The following MAP3K1 variants were observed in gnomAD, a reference collection of about 807,000 sequenced individuals.
MAP3K1 encodes the protein mitogen-activated protein kinase kinase kinase 1, also known as MAP/ERK kinase kinase 1.
A neutral mutation model predicts 144.2 loss-of-function variants in MAP3K1; 36 were observed. The ratio of observed to expected loss-of-function variants is 0.25; its 90% CI spans 0.19 to 0.33. The LOEUF is 0.33. MAP3K1 is among the 10% of genes least tolerant of loss of function. The probability of loss-of-function intolerance (pLI) is 1.00; values close to 1 mark genes in which losing one functional copy is unlikely to be tolerated. For missense variants in MAP3K1, 1,650 were observed against 1,881.9 expected, an observed-to-expected ratio of 0.88 and a Z score of 2.28; for synonymous variants, 718 against 688.7, an observed-to-expected ratio of 1.04 and a Z score of -0.67.
chr5:56,871,825 C>A, intron 6 of MAP3K1, 85 bp from the exon 7 acceptor site: 1 of 1,280,148 alleles, frequency 7.8e-7, no homozygotes, highest in Non-Finnish European at 1.1e-6. Context: ...TATTTATATT[C>A]TAAGCAAGCA....
At position 56,883,610 on chromosome 5, in the gene MAP3K1, C is replaced by T; in HGVS notation, c.3750C>T (p.Gly1250=). The T allele has an allele frequency of 6.2e-7, 1 of 1,614,032 alleles. No individual in the cohort carries two copies. The highest frequency in any genetic ancestry group is 2.2e-5 in the East Asian group (1 of 44,866). ...AATGGCTGAAAGGTCAACAGATAGG[C>T]CTTGGAGCATTTTCTTCTTGTTATC... is the stretch of plus-strand genomic sequence containing the variant. ...DTEWLKGQQI[G]LGAFSSCYQA... Residue 1250 remains glycine (G), a synonymous_variant, in exon 15 of 20, where the codon GGC becomes GGT. Coordinates refer to ENST00000399503, the MANE Select transcript of MAP3K1 (RefSeq NM_005921.2).
In MAP3K1 at chr5:56,880,717, A is replaced by G. The variant is rs2111937182; in HGVS notation, c.2094A>G (p.Thr698=). 1.9e-6 allele frequency: 3 copies of G among 1,613,238 alleles called. No individual in the cohort carries two copies. The highest frequency in any genetic ancestry group is 2.5e-6 in the Non-Finnish European group (3 of 1,179,316). ...LVKCADANSR[T]SQLSISTLLE... ...GCTTTTCCTTTGTTTTTAGCCGCAC[A>G]AGTCAGCTGTCCATATCAACACTGT... Residue 698 remains threonine, a synonymous_variant, in exon 12 of 20, where the codon ACA becomes ACG. Transcript: ENST00000399503.
chr5:56,845,601 G>GA (rs1746967509), intron 1 of MAP3K1, among the ~76,000 whole-genome samples: 1 of 152,152 alleles, frequency 6.6e-6, no homozygotes, highest in Non-Finnish European at 1.5e-5. Flanking sequence ...AGCAAGGGGG[G>GA]ATTCTTAAAA....
At position 56,881,810 on chromosome 5, in the gene MAP3K1, G is replaced by T; in HGVS notation, c.2610G>T (p.Gln870His). Residue 870 changes from glutamine to histidine, a missense_variant, in exon 14 of 20, where the codon CAG (glutamine) becomes CAT (histidine). Around this residue, in one of 6 missense-constraint regions of MAP3K1, gnomAD observed 841 missense variants for 886.5 expected, o/e 0.95. Coordinates refer to ENST00000399503, the MANE Select transcript of MAP3K1 (RefSeq NM_005921.2). ...ADEVEIAEAIQLGVEDTLDGQ... is the reference protein window; with the variant it reads ...ADEVEIAEAIHLGVEDTLDGQ... ...AGGTGGAAATTGCCGAAGCCATCCA[G>T]TTGGGCGTAGAAGACACTTTGGATG... 1 of 1,614,146 alleles carries T rather than the reference G, an allele frequency of 6.2e-7. No individual in the cohort carries two copies. The highest frequency in any genetic ancestry group is 8.5e-7 in the Non-Finnish European group (1 of 1,180,028).
intron 1 of MAP3K1, among the ~76,000 whole-genome samples, chr5:56,853,170 C>G (rs533785619): frequency 6.6e-6 from 1 of 152,166 alleles, no homozygotes; most frequent in Admixed American, 6.5e-5. Flanking sequence ...GGAAATAACA[C>G]CTGCCAGTTA....
chr5:56,831,080 G>A (rs1478850761), intron 1 of MAP3K1, among the ~76,000 whole-genome samples: 1 of 151,712 alleles, frequency 6.6e-6, no homozygotes, highest in Non-Finnish European at 1.5e-5. Flanking sequence ...ATCTTTTCAA[G>A]TACAGTGTTC....
chr5:56,873,488 T>C (rs1001900475), intron 9 of MAP3K1, among the ~76,000 whole-genome samples: 6 of 152,206 alleles, frequency 3.9e-5, no homozygotes, highest in Admixed American at 3.3e-4. Context: ...TCATCATTTT[T>C]ATTTGTAAGA....
At chr5:56,818,099 G>T (rs1746036677) in intron 1 of MAP3K1, among the ~76,000 whole-genome samples, 1 of 152,070 alleles carries the variant, frequency 6.6e-6, no homozygotes, top group Admixed American at 6.5e-5. Flanking sequence ...AATGTCATAC[G>T]TAAAGATTTC....
At position 56,881,662 on chromosome 5, in the gene MAP3K1, TGA is replaced by T. The variant is rs1748211318; in HGVS notation, c.2464_2465del (p.Ser822PhefsTer40). ...GGCAAACTTTCCAGAAGGATCTACT[TGA>T]GTTCTGCAAGAATGGTTACTACAGT... On this transcript the variant is annotated frameshift_variant, in exon 14 of 20. Coordinates refer to ENST00000399503, the MANE Select transcript of MAP3K1 (RefSeq NM_005921.2). LOFTEE classifies it high-confidence loss of function. 6.2e-7 allele frequency: 1 copy of T among 1,613,952 alleles called. No individual in the cohort carries two copies. The highest frequency in any genetic ancestry group is 1.7e-5 in the Admixed American group (1 of 59,982).
At chr5:56,828,054 T>C (rs1238958581) in intron 1 of MAP3K1, among the ~76,000 whole-genome samples, 1 of 152,144 alleles carries the variant, frequency 6.6e-6, no homozygotes, top group African/African-American at 2.4e-5. Flanking sequence ...TGCAAGTAAC[T>C]GTCTATGCTC....
chr5:56,869,915 T>G (rs1747799814), intron 6 of MAP3K1, among the ~76,000 whole-genome samples: 1 of 152,144 alleles, frequency 6.6e-6, no homozygotes, highest in Non-Finnish European at 1.5e-5. Context: ...GGAAAAGAGA[T>G]GGGCAGGTAC....
At chr5:56,866,362 C>T (rs1193779488) in intron 6 of MAP3K1, among the ~76,000 whole-genome samples, 3 of 151,972 alleles carry the variant, frequency 2.0e-5, no homozygotes, top group Non-Finnish European at 2.9e-5. Flanking sequence ...GACCTATGAT[C>T]GCACCACTGC....
intron 1 of MAP3K1, among the ~76,000 whole-genome samples, chr5:56,823,517 A>G (rs1219193229): frequency 6.6e-6 from 1 of 152,226 alleles, no homozygotes; most frequent in Non-Finnish European, 1.5e-5. Flanking sequence ...CCTAGCACCT[A>G]GCAGGATGCC....
intron 2 of MAP3K1, among the ~76,000 whole-genome samples, chr5:56,858,198 A>C (rs1185859048): frequency 6.6e-6 from 1 of 152,240 alleles, no homozygotes; most frequent in Non-Finnish European, 1.5e-5. Context: ...CTGAAGTTTG[A>C]ATGTGCTGCT....
intron 17 of MAP3K1, 63 bp from the exon 18 acceptor site, chr5:56,887,315 G>A: frequency 6.6e-7 from 1 of 1,521,340 alleles, no homozygotes; most frequent in Non-Finnish European, 9.1e-7. Flanking sequence ...TATTGTACTG[G>A]GCTTTTATCT....
intron 1 of MAP3K1, among the ~76,000 whole-genome samples, chr5:56,844,520 A>G (rs1746931675): frequency 6.6e-6 from 1 of 151,918 alleles, no homozygotes. Flanking sequence ...TGTTTGGAAC[A>G]TCTTTTGGCC....
In MAP3K1 at chr5:56,825,850, G is replaced by C. The variant is rs528403729; in HGVS notation, c.482+9795G>C. Among the ~76,000 whole-genome samples the C allele has an allele frequency of 2.0e-5, 3 of 152,126 alleles. No homozygotes were observed. In the East Asian group the frequency reaches 5.8e-4, roughly 29 times the overall value. On this transcript the variant is annotated intron_variant, in intron 1 of 19. Coordinates refer to ENST00000399503, the MANE Select transcript of MAP3K1 (RefSeq NM_005921.2). ...CAGAATGAAGTCCAGACTCCATAATGCAGTTCAGAAACCCTTAGGACTCAG... is the reference window on the plus strand; with the variant it reads ...CAGAATGAAGTCCAGACTCCATAATCCAGTTCAGAAACCCTTAGGACTCAG...
At chr5:56,846,608 G>C (rs543249654) in intron 1 of MAP3K1, among the ~76,000 whole-genome samples, 15 of 152,116 alleles carry the variant, frequency 9.9e-5, no homozygotes, top group Non-Finnish European at 1.9e-4. Flanking sequence ...CCAATTTTAA[G>C]AGTCACTGCA....
chr5:56,878,294 G>A (rs1338658413), intron 10 of MAP3K1, among the ~76,000 whole-genome samples: 1 of 152,132 alleles, frequency 6.6e-6, no homozygotes, highest in African/African-American at 2.4e-5. Flanking sequence ...ACACACTGGA[G>A]TCTGTCGGGG....
Sources: gnomAD v4.1 joint callset for allele counts (sites outside exome capture counted in the v4.1 genomes callset) on GRCh38, gnomAD v4.1.1 for gene constraint, gnomAD v4.1.1 regional missense constraint, MANE v1.5 for transcripts, NCBI Gene and HGNC (gene_info 2026-07-23, HGNC 2026-07-21) for gene names.